SLC3A2: variants seen among roughly 807,000 people sequenced by gnomAD.
The protein encoded by SLC3A2 is amino acid transporter heavy chain SLC3A2.
A neutral mutation model predicts 48.5 loss-of-function variants in SLC3A2; 32 were observed. The ratio of observed to expected loss-of-function variants is 0.66; its 90% confidence interval spans 0.50 to 0.89. The LOEUF is 0.89. Among genes scored for constraint, SLC3A2 ranks in the 40% least tolerant of loss-of-function variants. The pLI, the probability that SLC3A2 is intolerant of heterozygous loss-of-function variation, is 0.00. For missense variants in SLC3A2, 587 were observed against 680.7 expected, an observed-to-expected ratio of 0.86 and a Z score of 1.53; for synonymous variants, 277 against 288.8, an observed-to-expected ratio of 0.96 and a Z score of 0.41.
intron 4 of SLC3A2, 52 bp from the exon 5 acceptor site, chr11:62,884,580 G>T (rs1590636000): frequency 6.2e-7 from 1 of 1,613,344 alleles, no homozygotes; most frequent in Non-Finnish European, 8.5e-7. Context: ...GAGGGACTCA[G>T]CTAGAGCCTC....
In SLC3A2 at chr11:62,885,267, C is replaced by T; in HGVS notation, c.909C>T (p.Tyr303=). 1 of 1,614,196 alleles carries T rather than the reference C, an allele frequency of 6.2e-7. No individual in the cohort carries two copies. ...SNKDLLLTSS[Y]LSDSGSTGEH... Reference sequence around the variant, plus strand: ...AAGACTTGCTGTTGACTAGCTCATACCTGTCTGATTCTGGTTCTACTGGGG... The same window carrying T: ...AAGACTTGCTGTTGACTAGCTCATATCTGTCTGATTCTGGTTCTACTGGGG... Residue 303 remains tyrosine (Y), a synonymous_variant, in exon 6 of 9, where the codon TAC becomes TAT. Coordinates refer to ENST00000338663, the MANE Select transcript of SLC3A2 (RefSeq NM_001013251.3).
In SLC3A2 at chr11:62,881,031, A is replaced by G; in HGVS notation, c.8A>G (p.Gln3Arg). MS[Q>R]DTEVDMKEVE... is the part of the protein sequence containing the mutation. ...GCCGGTTCTGCAGGCACCATGAGCC[A>G]GGACACCGAGGTGGATATGAAGGAG... Residue 3 changes from glutamine (Q) to arginine (R), a missense_variant, in exon 1 of 9, where the codon CAG (glutamine) becomes CGG (arginine). Coordinates refer to ENST00000338663, the MANE Select transcript of SLC3A2 (RefSeq NM_001013251.3). The surrounding 1 kb of genome is among the most constrained non-coding windows in gnomAD (Gnocchi z 4.0). 6.4e-7 allele frequency: 1 copy of G among 1,570,322 alleles called. No individual in the cohort carries two copies. The highest frequency in any genetic ancestry group is 8.7e-7 in the Non-Finnish European group (1 of 1,155,142).
intron 1 of SLC3A2, among the ~76,000 whole-genome samples, chr11:62,859,566 G>A (rs192609550): frequency 3.3e-5 from 5 of 152,162 alleles, no homozygotes; most frequent in East Asian, 3.9e-4. Flanking sequence ...GGTGGCAGGC[G>A]ATTGTAATCC....
In SLC3A2 at chr11:62,888,427, G is replaced by A. The variant is rs1477148018; in HGVS notation, c.1324G>A (p.Ala442Thr). Reference protein sequence around the residue: ...ERSLLHGDFHAFSAGPGLFSY... With the variant: ...ERSLLHGDFHTFSAGPGLFSY... ...CTCCCTACTGCATGGGGACTTCCAC[G>A]CGTTCTCCGCTGGGCCTGGACTCTT... Residue 442 changes from alanine (A) to threonine (T), a missense_variant, in exon 9 of 9, where the codon GCG (alanine) becomes ACG (threonine). Physicochemically the swap from Ala to Thr is moderately conservative, Grantham distance 58. This residue lies in a region of SLC3A2 where 169 missense variants were observed against 204.4 expected (regional missense o/e 0.83). Transcript: ENST00000338663. 2 of 1,614,204 alleles carry A rather than the reference G, an allele frequency of 1.2e-6. No individual in the cohort carries two copies. The highest frequency in any genetic ancestry group is 1.7e-6 in the Non-Finnish European group (2 of 1,180,036).
chr11:62,880,912 A>G lies in SLC3A2; in HGVS notation c.-112A>G. Reference sequence around the variant, plus strand: ...CTGCTGAGCAGATGCAGTAGCCGAAACTGCGCGGAGGCACAGAGGCCGGGG... The same window carrying G: ...CTGCTGAGCAGATGCAGTAGCCGAAGCTGCGCGGAGGCACAGAGGCCGGGG... On this transcript the variant is annotated 5_prime_UTR_variant, in exon 1 of 9. Transcript: ENST00000338663. 2 of 1,455,378 alleles carry G rather than the reference A, an allele frequency of 1.4e-6. No homozygotes were observed. The highest frequency in any genetic ancestry group is 1.8e-6 in the Non-Finnish European group (2 of 1,103,688). The allele number at this position is 1,455,378 out of a possible 1,614,324, so 90.2% of individuals were successfully genotyped here. A position where few individuals can be genotyped will look rare whatever the true frequency, so the allele number is the denominator to read the frequency against.
intron 7 of SLC3A2, among the ~76,000 whole-genome samples, chr11:62,886,865 C>G (rs1024861875): frequency 6.6e-6 from 1 of 152,098 alleles, no homozygotes; most frequent in Non-Finnish European, 1.5e-5. Flanking sequence ...TCCCAAATTG[C>G]TGGGACTACA....
upstream of SLC3A2, among the ~76,000 whole-genome samples, chr11:62,879,317 G>A (rs140394024): frequency 1.5e-3 from 229 of 152,170 alleles, 1 homozygote; most frequent in African/African-American, 5.1e-3. Flanking sequence ...ATGTTGCCCC[G>A]TCTGGTCTTA....
intron 1 of SLC3A2, among the ~76,000 whole-genome samples, chr11:62,873,354 G>C (rs939673793): frequency 1.3e-5 from 2 of 151,920 alleles, no homozygotes; most frequent in Non-Finnish European, 2.9e-5. Context: ...CGGGCATGGT[G>C]GTGGGCCCCT....
In SLC3A2 at chr11:62,888,514, G is replaced by C; in HGVS notation, c.1411G>C (p.Val471Leu). ...TCTGGTAGTGCTTAACTTTGGGGAT[G>C]TGGGCCTCTCGGCTGGACTGCAGGC... The part of the protein sequence containing the change: ...RFLVVLNFGD[V>L]GLSAGLQASD... The change falls in exon 9 of 9, where the codon GTG becomes CTG. Residue 471 changes from valine (V) to leucine (L), a missense_variant. Val to Leu is a conservative substitution (Grantham distance 32). Around this residue, in one of 3 missense-constraint regions of SLC3A2, gnomAD observed 169 missense variants for 204.4 expected, o/e 0.83. Transcript: ENST00000338663. 6.2e-7 allele frequency: 1 copy of C among 1,614,232 alleles called. No individual in the cohort carries two copies. The highest frequency in any genetic ancestry group is 8.5e-7 in the Non-Finnish European group (1 of 1,180,042).
At chr11:62,862,047 G>C (rs573709392) in intron 1 of SLC3A2, among the ~76,000 whole-genome samples, 2 of 151,620 alleles carry the variant, frequency 1.3e-5, no homozygotes, top group Non-Finnish European at 2.9e-5. Context: ...GGCCAGGCGC[G>C]GTGGCTTACC....
chr11:62,881,443 G>C lies in SLC3A2; in HGVS notation c.420G>C (p.Leu140=). 3 of 1,583,012 alleles carry C rather than the reference G, an allele frequency of 1.9e-6. No homozygotes were observed. The highest frequency in any genetic ancestry group is 2.6e-6 in the Non-Finnish European group (3 of 1,172,568). Residue 140 remains leucine (L), a synonymous_variant, in exon 1 of 9, where the codon CTG becomes CTC. Transcript: ENST00000338663. This position sits in a 1 kb window ranked among gnomAD's most constrained non-coding sequence, Gnocchi z 4.0. ...TCCAGGGCCACGGCGCGGGCAACCT[G>C]GCGGGTGAGTGCAGCGCGCCCCCGT... ...QAFQGHGAGN[L]AGLKGRLDYL...
At chr11:62,874,220 T>C (rs962506701) in intron 1 of SLC3A2, among the ~76,000 whole-genome samples, 5 of 151,956 alleles carry the variant, frequency 3.3e-5, no homozygotes, top group African/African-American at 1.2e-4. Flanking sequence ...GCCTCAGTGA[T>C]CATTTTAAGG....
In SLC3A2 at chr11:62,856,279, C is replaced by T. The variant is rs1412248032; in HGVS notation, c.10C>T (p.Gln4Ter). 2 of 1,611,332 alleles carry T rather than the reference C, an allele frequency of 1.2e-6. No individual in the cohort carries two copies. The highest frequency in any genetic ancestry group is 3.3e-5 in the Admixed American group (2 of 59,918). Residue 4 changes from glutamine to a stop codon, truncating the protein, a stop_gained, in exon 1 of 10, where the codon CAG (glutamine) becomes TAG (stop). Transcript: ENST00000377889. LOFTEE classifies it high-confidence loss of function. ...TGCAGGATCCGCCTCCATGGAGCTA[C>T]AGCCTCCTGAAGCCTCGATCGCCGT...
At chr11:62,858,275 T>C (rs1248571087) in intron 1 of SLC3A2, among the ~76,000 whole-genome samples, 2 of 152,160 alleles carry the variant, frequency 1.3e-5, no homozygotes, top group African/African-American at 4.8e-5. Flanking sequence ...ATGAACTGAG[T>C]TGGGACTCTG....
intron 1 of SLC3A2, among the ~76,000 whole-genome samples, chr11:62,861,429 A>G (rs1052949921): frequency 7.2e-5 from 11 of 151,816 alleles, no homozygotes; most frequent in South Asian, 2.1e-4. Flanking sequence ...CAGCTAATCT[A>G]TTTTGCTTTT....
upstream of SLC3A2, among the ~76,000 whole-genome samples, chr11:62,877,205 T>C (rs953087584): frequency 6.6e-6 from 1 of 151,556 alleles, no homozygotes; most frequent in Non-Finnish European, 1.5e-5. Context: ...GGATTACAGG[T>C]GCCCACCACC....
Position 62,865,732 on chromosome 11 carries a change from A to G in SLC3A2, c.112+9351A>G, listed in dbSNP as rs563377174. ...TTGGCTATCCGCATATTTTTCCCCT[A>G]AGGATGCCATGCTCTATTGTATCCA... On this transcript the variant is annotated intron_variant, in intron 1 of 9. Transcript: ENST00000377889. Among the ~76,000 whole-genome samples the G allele has an allele frequency of 7.9e-5, 12 of 152,036 alleles. No homozygotes were observed. In the East Asian group the frequency reaches 1.5e-3, roughly 20 times the overall value.
chr11:62,888,809 C>T lies in SLC3A2; in HGVS notation c.*116C>T, dbSNP rs1445485692. 4.9e-6 allele frequency: 5 copies of T among 1,016,096 alleles called. No homozygotes were observed. The highest frequency in any genetic ancestry group is 7.1e-6 in the Non-Finnish European group (5 of 708,482). The allele number at this position is 1,016,096 out of a possible 1,614,324, so 62.9% of individuals were successfully genotyped here. A position where few individuals can be genotyped will look rare whatever the true frequency, so the allele number is the denominator to read the frequency against. On this transcript the variant is annotated 3_prime_UTR_variant, in exon 9 of 9. Transcript: ENST00000338663. ...AACTGTTGCAGATTATGAGTGAACC[C>T]CCAAATAGGGTGTTTTCTGCCTTCA...
intron 1 of SLC3A2, among the ~76,000 whole-genome samples, chr11:62,872,786 G>C (rs1412635060): frequency 1.3e-5 from 2 of 151,964 alleles, no homozygotes; most frequent in Non-Finnish European, 2.9e-5. Flanking sequence ...ATTTTTAGTA[G>C]AGATGGGGTT....
Sources: allele counts gnomAD v4.1 joint callset (sites outside exome capture counted in the v4.1 genomes callset), GRCh38; gene constraint gnomAD v4.1.1; regional missense constraint gnomAD v4.1.1; non-coding constraint Gnocchi (gnomAD v3.1); transcripts MANE v1.5; gene names NCBI Gene and HGNC (gene_info 2026-07-23, HGNC 2026-07-21).